The following NR1D2 variants were observed in gnomAD, a reference collection of about 807,000 sequenced individuals.
The protein encoded by NR1D2 is V-erbA-related protein 1-related.
Under a neutral mutation model 52.2 loss-of-function variants are expected in NR1D2, and 25 were observed. That is an observed-to-expected ratio of 0.48 (90% confidence interval 0.35 to 0.67). The LOEUF is 0.67. Among genes scored for constraint, NR1D2 ranks in the 30% least tolerant of loss-of-function variants. The probability of loss-of-function intolerance (pLI) is 0.01; values close to 1 mark genes in which losing one functional copy is unlikely to be tolerated. For missense variants in NR1D2, 681 were observed against 707.2 expected (o/e 0.96, Z 0.42); for synonymous variants, 259 against 230.1 (o/e 1.13, Z -1.14).
At chr3:23,972,568 C>T (rs9882735) in intron 7 of NR1D2, among the ~76,000 whole-genome samples, 114,892 of 152,154 alleles carry the variant, frequency 0.76, 43,867 homozygotes, top group African/African-American at 0.81. Flanking sequence ...ATACAGACTT[C>T]AGTTGTCTTC....
intron 1 of NR1D2, chr3:23,946,407 G>A (rs1705711606): frequency 1.7e-6 from 1 of 574,244 alleles, no homozygotes; most frequent in Non-Finnish European, 2.2e-6. Context: ...GGGCTTTCCC[G>A]AAGGGATACG....
chr3:23,946,808 C>T (rs1705737834), intron 1 of NR1D2, among the ~76,000 whole-genome samples: 2 of 152,190 alleles, frequency 1.3e-5, no homozygotes, highest in South Asian at 2.1e-4. Flanking sequence ...TACATTGCAA[C>T]GGAACAACAG....
chr3:23,962,856 A>T (rs1706319568), intron 5 of NR1D2, among the ~76,000 whole-genome samples: 1 of 152,182 alleles, frequency 6.6e-6, no homozygotes, highest in African/African-American at 2.4e-5. Context: ...ATTTTATGTA[A>T]AATATGATTC....
chr3:23,961,937 T>C (rs772635473), intron 4 of NR1D2, 40 bp from the exon 5 acceptor site: 88 of 1,529,410 alleles, frequency 5.8e-5, no homozygotes, highest in Non-Finnish European at 7.3e-5. Flanking sequence ...AAACAGGTCT[T>C]ATTTAGAATA....
intron 1 of NR1D2, among the ~76,000 whole-genome samples, chr3:23,951,170 G>C (rs990051752): frequency 1.3e-5 from 2 of 152,114 alleles, no homozygotes; most frequent in Admixed American, 6.5e-5. Context: ...CTCCCAAAGT[G>C]CTGAGGTTAC....
At position 23,980,336 on chromosome 3, in the gene NR1D2, T is replaced by G. The variant is rs569178741; in HGVS notation, c.*2917T>G. 15 of 152,212 alleles carry G rather than the reference T, an allele frequency of 9.9e-5. No homozygotes were observed. The highest frequency in any genetic ancestry group is 3.6e-4 in the African/African-American group (15 of 41,544). 9.4% of individuals were successfully genotyped at this position (152,212 alleles called of 1,614,324 possible). On this transcript the variant is annotated 3_prime_UTR_variant, in exon 8 of 8. Transcript: ENST00000312521. ...AGAGTTTATCACTTAGGATATAGAATTTTTTTAGGGGTTGGGGGAGGGGAT... is the reference window on the plus strand; with the variant it reads ...AGAGTTTATCACTTAGGATATAGAAGTTTTTTAGGGGTTGGGGGAGGGGAT...
chr3:23,961,389 C>CTTTTTTTTTTTT (rs869108010), intron 4 of NR1D2, among the ~76,000 whole-genome samples: 18 of 75,980 alleles, frequency 2.4e-4, no homozygotes, highest in Admixed American at 6.8e-4. Context: ...CTTTTTCTTT[C>CTTTTTTTTTTTT]TTTTTTTTTT....
rs72627098 is a variant in NR1D2 at position 23,953,688 on chromosome 3, C to T, written c.17-849C>T. 3.7e-3 allele frequency among the ~76,000 whole-genome samples: 564 copies of T among 152,270 alleles called. 15 individuals are homozygous for T. The East Asian group carries it at 0.051, about 14-fold the overall frequency. ...AGGTGTGGGAGCAAGGGCTGTGAAA[C>T]GATCCCTGTTTTGAGATAATTTACC... On this transcript the variant is annotated intron_variant, in intron 1 of 7. Coordinates refer to ENST00000312521, the MANE Select transcript of NR1D2 (RefSeq NM_005126.5).
chr3:23,961,846 C>A, intron 4 of NR1D2, 131 bp from the exon 5 acceptor site: 1 of 819,622 alleles, frequency 1.2e-6, no homozygotes, highest in Admixed American at 3.1e-5. Flanking sequence ...AAAATGTGGA[C>A]CAGAGACATG....
intron 1 of NR1D2, among the ~76,000 whole-genome samples, chr3:23,947,771 C>T (rs1219042684): frequency 6.6e-6 from 1 of 152,148 alleles, no homozygotes; most frequent in South Asian, 2.1e-4. Context: ...AGCTGTTACC[C>T]ACCATGTTTA....
At position 23,977,354 on chromosome 3, in the gene NR1D2, C is replaced by T. The variant is rs1348131048; in HGVS notation, c.1675C>T (p.Pro559Ser). 1 of 1,613,664 alleles carries T rather than the reference C, an allele frequency of 6.2e-7. No individual in the cohort carries two copies. Among genetic ancestry groups the T allele is most frequent in the South Asian group, 1.1e-5 (1 of 91,052 alleles). ...TTTTACAAAACTGCTTCTAAAGTTGCCAGATCTTCGATCTTTAAACAACAT... is the reference window on the plus strand; with the variant it reads ...TTTTACAAAACTGCTTCTAAAGTTGTCAGATCTTCGATCTTTAAACAACAT... ...SIFTKLLLKLPDLRSLNNMHS... is the reference protein window; with the variant it reads ...SIFTKLLLKLSDLRSLNNMHS... Residue 559 changes from proline to serine, a missense_variant, in exon 8 of 8, where the codon CCA becomes TCA. Around this residue, in one of 3 missense-constraint regions of NR1D2, gnomAD observed 475 missense variants for 454.5 expected, o/e 1.05. Transcript: ENST00000312521.
At chr3:23,957,812 G>A (rs1706126566) in intron 3 of NR1D2, among the ~76,000 whole-genome samples, 1 of 152,020 alleles carries the variant, frequency 6.6e-6, no homozygotes, top group South Asian at 2.1e-4. Context: ...TGAGCTGATT[G>A]CATATTCTTG....
At chr3:23,960,193 T>C (rs1706199677) in intron 4 of NR1D2, among the ~76,000 whole-genome samples, 2 of 152,104 alleles carry the variant, frequency 1.3e-5, no homozygotes, top group Non-Finnish European at 1.5e-5. Flanking sequence ...TGGGTCACTT[T>C]AGGTCAGGAG....
intron 1 of NR1D2, chr3:23,946,271 A>T (rs1705704103): frequency 2.0e-6 from 2 of 985,274 alleles, no homozygotes; most frequent in African/African-American, 3.5e-5. Flanking sequence ...CAAGGCGCGG[A>T]CCCCGCGCAA....
At chr3:23,969,748 T>C (rs942741684) in intron 7 of NR1D2, among the ~76,000 whole-genome samples, 5 of 152,242 alleles carry the variant, frequency 3.3e-5, no homozygotes, top group African/African-American at 1.2e-4. Context: ...AGCTTTATGC[T>C]ACTAAACCGT....
intron 7 of NR1D2, among the ~76,000 whole-genome samples, chr3:23,976,310 A>G (rs1022282140): frequency 9.2e-5 from 14 of 152,256 alleles, no homozygotes; most frequent in African/African-American, 3.4e-4. Context: ...TACAAATGCA[A>G]ACATTTATTT....
rs1322192978 is a variant in NR1D2 at position 23,962,387 on chromosome 3, C to T, written c.928C>T (p.Pro310Ser). 1.9e-6 allele frequency: 3 copies of T among 1,614,028 alleles called. No homozygotes were observed. Among genetic ancestry groups the T allele is most frequent in the African/African-American group, 2.7e-5 (2 of 74,914 alleles). ...CGGCAATGGGCTTAGCAGCCATTTT[C>T]CCTGTAGTGAGAGCCAGCAGCATCT... Reference protein sequence around the residue: ...HCGNGLSSHFPCSESQQHLNG... With the variant: ...HCGNGLSSHFSCSESQQHLNG... Residue 310 changes from proline (P) to serine (S), a missense_variant, in exon 5 of 8, where the codon CCC becomes TCC. Pro to Ser is a moderately conservative substitution (Grantham distance 74). This residue lies in a region of NR1D2 where 475 missense variants were observed against 454.5 expected (regional missense o/e 1.05). Coordinates refer to ENST00000312521, the MANE Select transcript of NR1D2 (RefSeq NM_005126.5).
At chr3:23,952,692 C>G (rs971380361) in intron 1 of NR1D2, among the ~76,000 whole-genome samples, 2 of 150,712 alleles carry the variant, frequency 1.3e-5, no homozygotes, top group African/African-American at 2.5e-5. Context: ...TGCCACTGCA[C>G]TCCAGCCTGG....
intron 4 of NR1D2, among the ~76,000 whole-genome samples, chr3:23,960,218 TG>T (rs1706200824): frequency 6.6e-6 from 1 of 152,040 alleles, no homozygotes; most frequent in Non-Finnish European, 1.5e-5. Flanking sequence ...AGACCAGCCA[TG>T]GTGAAACCCC....
Sources: gnomAD v4.1 joint callset for allele counts (sites outside exome capture counted in the v4.1 genomes callset) on GRCh38, gnomAD v4.1.1 for gene constraint, gnomAD v4.1.1 regional missense constraint, MANE v1.5 for transcripts, NCBI Gene and HGNC (gene_info 2026-07-23, HGNC 2026-07-21) for gene names.